The following PLCB1 variants were observed in gnomAD, a reference collection of about 807,000 sequenced individuals.
The protein encoded by PLCB1 is 1-phosphatidylinositol 4,5-bisphosphate phosphodiesterase beta-1.
PLCB1 carries 46 observed loss-of-function variants against 161.8 expected under a neutral mutation model. The observed-to-expected ratio is 0.28, with a 90% confidence interval of 0.22 to 0.36. The LOEUF (loss-of-function observed/expected upper bound fraction) is 0.36, where lower values mean the gene tolerates loss of function less well. PLCB1 is among the 10% of genes least tolerant of loss of function. The pLI, the probability that PLCB1 is intolerant of heterozygous loss-of-function variation, is 1.00. For missense variants in PLCB1, 1,016 were observed against 1,472.5 expected (o/e 0.69, Z 5.07); for synonymous variants, 517 against 503.7 (o/e 1.03, Z -0.35).
intron 31 of PLCB1, among the ~76,000 whole-genome samples, chr20:8,851,716 T>G (rs1316519142): frequency 6.6e-6 from 1 of 152,092 alleles, no homozygotes; most frequent in Non-Finnish European, 1.5e-5. Flanking sequence ...TTTTTGGTTT[T>G]TTTTTTTTTC....
chr20:8,841,767 G>A (rs1213983303), intron 31 of PLCB1, among the ~76,000 whole-genome samples: 1 of 152,222 alleles, frequency 6.6e-6, no homozygotes, highest in Non-Finnish European at 1.5e-5. Context: ...TCAGGGAGCT[G>A]TCAGACTCTG....
intron 3 of PLCB1, among the ~76,000 whole-genome samples, chr20:8,583,349 CTTATG>C (rs1314423254): frequency 6.6e-6 from 1 of 151,988 alleles, no homozygotes; most frequent in African/African-American, 2.4e-5. Context: ...GTGATAAATT[CTTATG>C]TTATTTCTAT....
intron 3 of PLCB1, among the ~76,000 whole-genome samples, chr20:8,567,783 A>G (rs1435106089): frequency 6.6e-6 from 1 of 152,144 alleles, no homozygotes; most frequent in Non-Finnish European, 1.5e-5. Flanking sequence ...AGTAGGTGGT[A>G]TGTTCCTTCT....
intron 4 of PLCB1, among the ~76,000 whole-genome samples, chr20:8,630,294 C>T (rs142347255): frequency 5.3e-5 from 8 of 152,184 alleles, no homozygotes; most frequent in African/African-American, 9.6e-5. Flanking sequence ...ACCATATTGA[C>T]CAGGATGGTC....
chr20:8,801,356 T>G (rs1984271107), intron 31 of PLCB1, among the ~76,000 whole-genome samples: 1 of 152,146 alleles, frequency 6.6e-6, no homozygotes, highest in African/African-American at 2.4e-5. Context: ...CCATCCTCTC[T>G]CCTGTTTATT....
At chr20:8,268,160 C>T (rs1049857814) in intron 2 of PLCB1, among the ~76,000 whole-genome samples, 5 of 151,994 alleles carry the variant, frequency 3.3e-5, no homozygotes, top group African/African-American at 1.2e-4. Flanking sequence ...TGTTCCCCAC[C>T]CTGTGTCCAA....
At chr20:8,189,436 G>A (rs186994026) in intron 2 of PLCB1, among the ~76,000 whole-genome samples, 48 of 151,594 alleles carry the variant, frequency 3.2e-4, no homozygotes, top group Non-Finnish European at 6.3e-4. Flanking sequence ...TCCTTTATTA[G>A]TATTAGGAAG....
In PLCB1 at chr20:8,749,348, C is replaced by T. The variant is rs532686944; in HGVS notation, c.2524-7698C>T. On this transcript the variant is annotated intron_variant, in intron 23 of 31. Transcript: ENST00000338037. ...CTCCCCAGATGAAACCCATTAATTCCATCCACTCTAAAATGACAGCTTAAT... is the reference window on the plus strand; with the variant it reads ...CTCCCCAGATGAAACCCATTAATTCTATCCACTCTAAAATGACAGCTTAAT... Among the ~76,000 whole-genome samples the T allele has an allele frequency of 1.8e-4, 28 of 152,282 alleles. No individual in the cohort carries two copies. In the South Asian group the frequency reaches 3.3e-3, roughly 18 times the overall value.
At chr20:8,348,744 C>T (rs1208944558) in intron 2 of PLCB1, among the ~76,000 whole-genome samples, 1 of 152,194 alleles carries the variant, frequency 6.6e-6, no homozygotes, top group African/African-American at 2.4e-5. Flanking sequence ...AAACTTAACT[C>T]ATACACATTT....
chr20:8,857,880 G>A (rs1987121744), intron 31 of PLCB1, among the ~76,000 whole-genome samples: 2 of 152,066 alleles, frequency 1.3e-5, no homozygotes, highest in Admixed American at 1.3e-4. Flanking sequence ...TCCTTCTTAA[G>A]CAAAATGCCT....
chr20:8,834,315 A>G (rs1986170957), intron 31 of PLCB1, among the ~76,000 whole-genome samples: 1 of 152,202 alleles, frequency 6.6e-6, no homozygotes, highest in Admixed American at 6.5e-5. Flanking sequence ...TAGGATGATT[A>G]TGGAAGACTT....
chr20:8,398,552 A>C (rs1217442909), intron 3 of PLCB1, among the ~76,000 whole-genome samples: 1 of 152,150 alleles, frequency 6.6e-6, no homozygotes, highest in African/African-American at 2.4e-5. Context: ...GAGTCCTCAC[A>C]TAGGGGAAAG....
At chr20:8,283,742 T>G (rs956701684) in intron 2 of PLCB1, among the ~76,000 whole-genome samples, 1 of 152,044 alleles carries the variant, frequency 6.6e-6, no homozygotes, top group Non-Finnish European at 1.5e-5. Context: ...TTCTCACTAC[T>G]AAATAGTACA....
At chr20:8,315,795 G>T (rs549709364) in intron 2 of PLCB1, among the ~76,000 whole-genome samples, 2 of 152,226 alleles carry the variant, frequency 1.3e-5, no homozygotes, top group East Asian at 3.9e-4. Flanking sequence ...CTGAGTGTTT[G>T]CCTAAACACT....
At chr20:8,316,110 G>C (rs1379689981) in intron 2 of PLCB1, among the ~76,000 whole-genome samples, 1 of 152,172 alleles carries the variant, frequency 6.6e-6, no homozygotes, top group Non-Finnish European at 1.5e-5. Flanking sequence ...TGGCAGAGCT[G>C]GCTCCTTCCA....
At chr20:8,500,707 A>G (rs1325951143) in intron 3 of PLCB1, among the ~76,000 whole-genome samples, 1 of 152,100 alleles carries the variant, frequency 6.6e-6, no homozygotes, top group Non-Finnish European at 1.5e-5. Flanking sequence ...CTTTATTTTT[A>G]TTATACATCC....
At chr20:8,824,205 A>G (rs927363336) in intron 31 of PLCB1, among the ~76,000 whole-genome samples, 3 of 152,194 alleles carry the variant, frequency 2.0e-5, no homozygotes, top group Non-Finnish European at 4.4e-5. Context: ...CACATTGCCT[A>G]GAGTGGTCCG....
chr20:8,237,204 A>G (rs1980371406), intron 2 of PLCB1, among the ~76,000 whole-genome samples: 1 of 152,096 alleles, frequency 6.6e-6, no homozygotes, highest in African/African-American at 2.4e-5. Flanking sequence ...ACAAATTGAA[A>G]CATAAACTGT....
intron 3 of PLCB1, among the ~76,000 whole-genome samples, chr20:8,605,122 A>G (rs1391471449): frequency 6.6e-6 from 1 of 151,632 alleles, no homozygotes; most frequent in Admixed American, 6.8e-5. Flanking sequence ...AAAATATCGT[A>G]AAATACATTA....
Sources: gnomAD v4.1 joint callset for allele counts (sites outside exome capture counted in the v4.1 genomes callset) on GRCh38, gnomAD v4.1.1 for gene constraint, MANE v1.5 for transcripts, NCBI Gene and HGNC (gene_info 2026-07-23, HGNC 2026-07-21) for gene names.